NCALD: variants seen among roughly 807,000 people sequenced by gnomAD.
The protein encoded by NCALD is neurocalcin delta.
In NCALD, 10 loss-of-function variants were observed where a neutral mutation model predicts 18.6. The observed-to-expected ratio is 0.54, with a 90% CI of 0.33 to 0.91. The LOEUF (loss-of-function observed/expected upper bound fraction) is 0.91. Ranked by LOEUF, NCALD falls within the 40% of genes least tolerant of loss-of-function variation. The pLI, the probability that NCALD is intolerant of heterozygous loss-of-function variation, is 0.03. For missense variants in NCALD, 184 were observed against 247.6 expected (o/e 0.74, Z 1.72); for synonymous variants, 88 against 87.4 (o/e 1.01, Z -0.04).
intron 2 of NCALD, among the ~76,000 whole-genome samples, chr8:101,968,216 T>C (rs1820106037): frequency 6.6e-6 from 1 of 152,058 alleles, no homozygotes; most frequent in Admixed American, 6.6e-5. Flanking sequence ...GCTACTCAAG[T>C]GGGTCTTCCC....
At position 101,790,018 on chromosome 8, in the gene NCALD, G is replaced by C. The variant is rs543548057; in HGVS notation, c.-20+844C>G. ...TGAGTGACTACTTCTATCTGTGTTT[G>C]AGTTAAAGTAGAACTTGTGTCAATG... On this transcript the variant is annotated intron_variant, in intron 1 of 3. Transcript: ENST00000220931. Among the ~76,000 whole-genome samples the C allele has an allele frequency of 2.0e-5, 3 of 152,290 alleles. No individual in the cohort carries two copies. The East Asian group carries it at 5.8e-4, about 29-fold the overall frequency.
chr8:101,910,433 G>T (rs186064985), intron 3 of NCALD, among the ~76,000 whole-genome samples: 1 of 139,594 alleles, frequency 7.2e-6, no homozygotes, highest in African/African-American at 3.0e-5. Flanking sequence ...AGGGCCCCAA[G>T]AATAGTACCA....
chr8:101,702,232 CT>C (rs113050942), intron 2 of NCALD, among the ~76,000 whole-genome samples: 56 of 146,080 alleles, frequency 3.8e-4, no homozygotes, highest in South Asian at 4.4e-4. Flanking sequence ...TAGTGTCATT[CT>C]TTTTTTTTTT....
At chr8:102,117,006 C>T (rs1825809970) in intron 1 of NCALD, among the ~76,000 whole-genome samples, 1 of 152,200 alleles carries the variant, frequency 6.6e-6, no homozygotes, top group African/African-American at 2.4e-5. Context: ...TGACGTGCAG[C>T]GCAGCTCTAG....
intron 2 of NCALD, among the ~76,000 whole-genome samples, chr8:101,924,255 C>T (rs760403370): frequency 1.4e-4 from 22 of 152,142 alleles, no homozygotes; most frequent in Non-Finnish European, 2.1e-4. Context: ...TATTTCTAAC[C>T]ATCCTATCAG....
chr8:102,078,090 T>C (rs1464498331), intron 1 of NCALD, among the ~76,000 whole-genome samples: 1 of 152,116 alleles, frequency 6.6e-6, no homozygotes, highest in Admixed American at 6.5e-5. Context: ...CTCACCCCCA[T>C]CCTGACCCTT....
chr8:101,918,315 T>C (rs774547535), intron 2 of NCALD, among the ~76,000 whole-genome samples: 12 of 152,054 alleles, frequency 7.9e-5, no homozygotes, highest in Non-Finnish European at 1.2e-4. Flanking sequence ...AAACTAGGCA[T>C]TGAAAGAACA....
chr8:101,927,806 T>G (rs969942882), intron 2 of NCALD, among the ~76,000 whole-genome samples: 5 of 152,072 alleles, frequency 3.3e-5, no homozygotes, highest in African/African-American at 4.8e-5. Context: ...ATCCCAGACT[T>G]CAGCTGCTCA....
chr8:102,021,982 T>C (rs1563549467), intron 1 of NCALD, among the ~76,000 whole-genome samples: 1 of 152,120 alleles, frequency 6.6e-6, no homozygotes, highest in African/African-American at 2.4e-5. Context: ...AAAATGGACA[T>C]ACAGAATTAG....
At chr8:101,908,946 A>G (rs1472256574) in intron 3 of NCALD, among the ~76,000 whole-genome samples, 8 of 152,204 alleles carry the variant, frequency 5.3e-5, no homozygotes, top group Non-Finnish European at 1.5e-5. Context: ...GAACTTTGAA[A>G]TGGGCCAGTT....
chr8:101,893,488 G>T (rs1328833656), intron 3 of NCALD, among the ~76,000 whole-genome samples: 2 of 141,618 alleles, frequency 1.4e-5, no homozygotes, highest in Non-Finnish European at 3.0e-5. Context: ...ACATCATAAT[G>T]ACAGGATCAA....
At chr8:101,920,011 C>A (rs996069728) in intron 2 of NCALD, among the ~76,000 whole-genome samples, 3 of 152,160 alleles carry the variant, frequency 2.0e-5, no homozygotes, top group Admixed American at 6.5e-5. Flanking sequence ...AGCCCCAGCA[C>A]TTCGGGAGGC....
intron 1 of NCALD, among the ~76,000 whole-genome samples, chr8:102,088,551 CG>C (rs1270185835): frequency 1.4e-5 from 2 of 139,176 alleles, no homozygotes; most frequent in East Asian, 2.0e-4. Flanking sequence ...ATCCTGTTTT[CG>C]GGGAAAAAAA....
intron 1 of NCALD, among the ~76,000 whole-genome samples, chr8:102,076,869 T>C (rs1231501362): frequency 6.6e-6 from 1 of 152,220 alleles, no homozygotes; most frequent in South Asian, 2.1e-4. Context: ...ATGGTGATGG[T>C]AGACTTATAC....
intron 2 of NCALD, among the ~76,000 whole-genome samples, chr8:101,714,914 G>A (rs896487022): frequency 3.3e-5 from 5 of 150,388 alleles, no homozygotes; most frequent in Admixed American, 6.6e-5. Context: ...GGAGAATGGC[G>A]TGAACCCGGG....
intron 2 of NCALD, among the ~76,000 whole-genome samples, chr8:101,694,837 C>T (rs1441538734): frequency 2.6e-5 from 4 of 152,092 alleles, no homozygotes; most frequent in Admixed American, 2.6e-4. Flanking sequence ...CTAGGAAAGG[C>T]CGGAGAGATG....
chr8:101,822,729 G>T (rs1457380410), intron 4 of NCALD, among the ~76,000 whole-genome samples: 2 of 152,144 alleles, frequency 1.3e-5, no homozygotes, highest in Admixed American at 1.3e-4. Flanking sequence ...AGAAACAGGA[G>T]GTTCCAAAAG....
Position 102,065,290 on chromosome 8 carries a change from T to C in NCALD, c.-209-45001A>G, listed in dbSNP as rs530797927. Among the ~76,000 whole-genome samples, 14 of 151,920 alleles carry C rather than the reference T, an allele frequency of 9.2e-5. No individual in the cohort carries two copies. In the East Asian group the frequency reaches 2.3e-3, roughly 25 times the overall value. On this transcript the variant is annotated intron_variant, in intron 1 of 6. Coordinates refer to the NCALD transcript ENST00000311028. The stretch of plus-strand genomic sequence containing the variant: ...TTCATATCTGCCCATATATTTCCAC[T>C]GCTCCATACGCAGGCGCCACCACCC...
intron 1 of NCALD, among the ~76,000 whole-genome samples, chr8:102,060,952 G>A (rs1322538180): frequency 2.6e-5 from 4 of 152,104 alleles, no homozygotes; most frequent in South Asian, 2.1e-4. Flanking sequence ...GAAACAAAGC[G>A]ACAAAAGCCG....
Sources: gnomAD v4.1 joint callset for allele counts (sites outside exome capture counted in the v4.1 genomes callset) on GRCh38, gnomAD v4.1.1 for gene constraint, MANE v1.5 for transcripts, NCBI Gene and HGNC (gene_info 2026-07-23, HGNC 2026-07-21) for gene names.